The following SART1 variants were observed in gnomAD, a reference collection of about 807,000 sequenced individuals.
SART1 encodes U4/U6.U5 tri-snRNP-associated protein 1.
Under a neutral mutation model 105.0 loss-of-function variants are expected in SART1, and 28 were observed. The ratio of observed to expected loss-of-function variants is 0.27; its 90% CI spans 0.20 to 0.37. SART1 has a LOEUF of 0.37. Ranked by LOEUF, SART1 falls within the 10% of genes least tolerant of loss-of-function variation. SART1 has a pLI of 1.00. For synonymous variants in SART1, 472 were observed against 462.9 expected (o/e 1.02, Z -0.25); for missense variants, 894 against 1,106.5 (o/e 0.81, Z 2.72).
intron 1 of SART1, 28 bp from the exon 2 acceptor site, chr11:65,964,046 T>C: frequency 3.1e-6 from 5 of 1,606,426 alleles, no homozygotes; most frequent in Non-Finnish European, 4.2e-6. Context: ...TGTGTTCAGC[T>C]CCTGAGCCAT....
intron 16 of SART1, 33 bp downstream of exon 16, chr11:65,977,686 G>A: frequency 6.2e-7 from 1 of 1,613,476 alleles, no homozygotes; most frequent in Non-Finnish European, 8.5e-7. Context: ...AGGGCTGAGG[G>A]GCCTGTGCCA....
intron 12 of SART1, among the ~76,000 whole-genome samples, chr11:65,972,376 A>C (rs1253223818): frequency 6.6e-6 from 1 of 152,168 alleles, no homozygotes; most frequent in South Asian, 2.1e-4. Context: ...TTGGGGAAAA[A>C]ATGAAATTGG....
At chr11:65,962,116 G>A (rs1258827734) in intron 1 of SART1, 23 bp downstream of exon 1, 3 of 1,286,002 alleles carry the variant, frequency 2.3e-6, no homozygotes, top group East Asian at 5.8e-5. Flanking sequence ...GGCCTGCGCA[G>A]GGGGCGGGTC....
Position 65,961,814 on chromosome 11 carries a change from G to T in SART1, c.34G>T (p.Glu12Ter). Residue 12 changes from glutamate (E) to a stop codon, truncating the protein, a stop_gained, in exon 1 of 20, where the codon GAG (glutamate) becomes TAG (stop). Transcript: ENST00000312397. LOFTEE classifies it high-confidence loss of function. ...GTCCAAGAAGCATCGCGGAGAGAAG[G>T]AGGCGGCCGGGACGACGGCGGCGGC... is the stretch of plus-strand genomic sequence containing the variant. ...GSSKKHRGEKEAAGTTAAAGT... is the reference protein window; with the variant it reads ...GSSKKHRGEK 6.4e-7 allele frequency: 1 copy of T among 1,562,230 alleles called. No homozygotes were observed. The highest frequency in any genetic ancestry group is 1.2e-5 in the South Asian group (1 of 85,622).
chr11:65,965,469 G>T (rs747100370), intron 5 of SART1, 22 bp downstream of exon 5: 1 of 1,548,408 alleles, frequency 6.5e-7, no homozygotes, highest in Admixed American at 2.0e-5. Flanking sequence ...GGCAGCATGG[G>T]GTGGTCGCCT....
chr11:65,966,343 C>T lies in SART1; in HGVS notation c.982-7C>T, dbSNP rs200457088. On this transcript the variant is annotated splice_region_variant and splice_polypyrimidine_tract_variant and intron_variant, in intron 8 of 19. Coordinates refer to ENST00000312397, the MANE Select transcript of SART1 (RefSeq NM_005146.5). ...CTGGGTCCCAACCTGTACCTCTTGCCTTGCAGCAAAAACCTCGCTCTATCC... is the reference window on the plus strand; with the variant it reads ...CTGGGTCCCAACCTGTACCTCTTGCTTTGCAGCAAAAACCTCGCTCTATCC... The T allele has an allele frequency of 5.0e-5, 80 of 1,614,026 alleles. No homozygotes were observed. The highest frequency in any genetic ancestry group is 6.6e-5 in the Non-Finnish European group (78 of 1,180,036).
rs192255821 is a variant in SART1, at chr11:65,979,540, C to T, written c.*510C>T. 2.6e-3 allele frequency: 436 copies of T among 166,426 alleles called. 4 individuals carry two copies. In the Middle Eastern group the frequency reaches 0.029, roughly 11 times the overall value. The allele number at this position is 166,426 out of a possible 1,614,324, so 10.3% of individuals were successfully genotyped here. A position where few individuals can be genotyped will look rare whatever the true frequency, so the allele number is the denominator to read the frequency against. On this transcript the variant is annotated 3_prime_UTR_variant, in exon 20 of 20. Transcript: ENST00000312397. ...TTGGGCTGGGAGTATTTGGTGCACG[C>T]GGTATGGGGAGGGCTGAGCTCAGTG... is the stretch of plus-strand genomic sequence containing the variant.
chr11:65,963,776 G>A (rs1008038790), intron 1 of SART1, among the ~76,000 whole-genome samples: 8 of 152,146 alleles, frequency 5.3e-5, no homozygotes, highest in African/African-American at 1.2e-4. Flanking sequence ...CACCATACCC[G>A]GCCCAGACCT....
Position 65,975,932 on chromosome 11 carries a change from C to T in SART1, c.1573-463C>T, listed in dbSNP as rs372104972. The stretch of plus-strand genomic sequence containing the variant: ...TTCTCTTCCCATGTCACGGAACCTG[C>T]TTTCTTGGTGAAGCAGGAAGCGAGA... On this transcript the variant is annotated intron_variant, in intron 12 of 19. Coordinates refer to ENST00000312397, the MANE Select transcript of SART1 (RefSeq NM_005146.5). Among the ~76,000 whole-genome samples, 6 of 152,218 alleles carry T rather than the reference C, an allele frequency of 3.9e-5. No individual in the cohort carries two copies. In the East Asian group the frequency reaches 1.2e-3, roughly 29 times the overall value.
chr11:65,972,705 T>G (rs1205031318), intron 12 of SART1, among the ~76,000 whole-genome samples: 1 of 151,528 alleles, frequency 6.6e-6, no homozygotes, highest in East Asian at 1.9e-4. Context: ...AGTTCGAGGT[T>G]ATAGTCAGCT....
chr11:65,976,341 A>C lies in SART1; in HGVS notation c.1573-54A>C, dbSNP rs1040670959. The stretch of plus-strand genomic sequence containing the variant: ...GAGGACCCTTAGGTTCCTGGGTCTC[A>C]ATGGCATCACCCCAGAAACTGCTGG... On this transcript the variant is annotated intron_variant, in intron 12 of 19. Transcript: ENST00000312397. The surrounding 1 kb of genome is among the most constrained non-coding windows in gnomAD (Gnocchi z 5.1). The C allele has an allele frequency of 3.4e-5, 49 of 1,461,328 alleles. No individual in the cohort carries two copies. Among genetic ancestry groups the C allele is most frequent in the Non-Finnish European group, 4.4e-5 (49 of 1,105,152 alleles). The allele number at this position is 1,461,328 out of a possible 1,614,324, so 90.5% of individuals were successfully genotyped here. A position where few individuals can be genotyped will look rare whatever the true frequency, so the allele number is the denominator to read the frequency against.
intron 8 of SART1, 58 bp downstream of exon 8, chr11:65,966,276 G>C: frequency 1.2e-6 from 2 of 1,613,696 alleles, no homozygotes; most frequent in Admixed American, 1.7e-5. Flanking sequence ...GGGAATGGGG[G>C]CTCTGAGGAG....
Position 65,976,621 on chromosome 11 carries a change from G to T in SART1, c.1747-35G>T. The T allele has an allele frequency of 1.2e-6, 2 of 1,613,400 alleles. No individual in the cohort carries two copies. Among genetic ancestry groups the T allele is most frequent in the Non-Finnish European group, 1.7e-6 (2 of 1,179,800 alleles). On this transcript the variant is annotated intron_variant, in intron 13 of 19. Transcript: ENST00000312397. The surrounding 1 kb of genome is among the most constrained non-coding windows in gnomAD (Gnocchi z 5.1). ...CTTCCCTCGGCTGGGTGGGCTGGCT[G>T]GGGCCTGGGCCGACCCTGGTCTTTT...
At chr11:65,968,806 C>G (rs188208800) in intron 12 of SART1, among the ~76,000 whole-genome samples, 6 of 152,258 alleles carry the variant, frequency 3.9e-5, no homozygotes, top group Non-Finnish European at 2.9e-5. Context: ...AGGGGGCCAA[C>G]GCAGGGGGAG....
Position 65,978,734 on chromosome 11 carries a change from A to AG in SART1, c.2262+49dup. ...TGGGGGGCCCTGTGCCTGCCGGGGCAGGGGTGGCTGGTGTGTGGGGCCTGC... is the reference window on the plus strand; with the variant it reads ...TGGGGGGCCCTGTGCCTGCCGGGGCAGGGGGTGGCTGGTGTGTGGGGCCTGC... On this transcript the variant is annotated intron_variant, in intron 18 of 19. Transcript: ENST00000312397. The surrounding 1 kb of genome is among the most constrained non-coding windows in gnomAD (Gnocchi z 6.8). 6.2e-7 allele frequency: 1 copy of AG among 1,613,726 alleles called. No individual in the cohort carries two copies. The highest frequency in any genetic ancestry group is 1.7e-5 in the Admixed American group (1 of 60,004).
At chr11:65,964,316 T>A in intron 2 of SART1, 185 bp downstream of exon 2, 1 of 825,524 alleles carries the variant, frequency 1.2e-6, no homozygotes. Flanking sequence ...TGGCATTCAC[T>A]GGTTAGACGC....
At chr11:65,965,037 C>T (rs759715368) in intron 3 of SART1, 55 bp from the exon 4 acceptor site, 3 of 1,524,980 alleles carry the variant, frequency 2.0e-6, no homozygotes, top group Non-Finnish European at 2.6e-6. Context: ...GTGGCTCCCT[C>T]CTCTCCCCAC....
chr11:65,961,790 T>A lies in SART1; in HGVS notation c.10T>A (p.Ser4Thr). Residue 4 changes from serine to threonine, a missense_variant, in exon 1 of 20, where the codon TCC (serine) becomes ACC (threonine). Coordinates refer to ENST00000312397, the MANE Select transcript of SART1 (RefSeq NM_005146.5). ...GAGTGGACGTGCCACTATGGGGTCG[T>A]CCAAGAAGCATCGCGGAGAGAAGGA... MGS[S>T]KKHRGEKEAA... 1 of 1,543,338 alleles carries A rather than the reference T, an allele frequency of 6.5e-7. No homozygotes were observed. The highest frequency in any genetic ancestry group is 1.2e-5 in the South Asian group (1 of 82,828).
Position 65,966,447 on chromosome 11 carries a change from T to G in SART1, c.1079T>G (p.Leu360Arg), listed in dbSNP as rs761499692. 7 of 1,613,352 alleles carry G rather than the reference T, an allele frequency of 4.3e-6. No individual in the cohort carries two copies. The South Asian group carries it at 6.6e-5, about 15-fold the overall frequency. Residue 360 changes from leucine (L) to arginine (R), a missense_variant, in exon 9 of 20, where the codon CTG becomes CGG. By Grantham distance (102) the Leu-to-Arg change is moderately radical. This residue lies in a region of SART1 where 712 missense variants were observed against 778.2 expected (regional missense o/e 0.91). Transcript: ENST00000312397. The part of the protein sequence containing the change: ...RLEQGGTADG[L>R]RERELEEIRA... ...GAGCAGGGCGGCACGGCTGATGGCC[T>G]GCGGGAGCGGGAGCTGGAGGAGATC... is the stretch of plus-strand genomic sequence containing the variant.
Sources: gnomAD v4.1 joint callset for allele counts (sites outside exome capture counted in the v4.1 genomes callset) on GRCh38, gnomAD v4.1.1 for gene constraint, gnomAD v4.1.1 regional missense constraint, Gnocchi (gnomAD v3.1) non-coding constraint, MANE v1.5 for transcripts, NCBI Gene and HGNC (gene_info 2026-07-23, HGNC 2026-07-21) for gene names.